Variants in ZNF571 observed in about 807,000 individuals in gnomAD.
The protein encoded by ZNF571 is zinc finger protein 571.
Under a neutral mutation model 7.7 loss-of-function variants are expected in ZNF571, and 4 were observed. The ratio of observed to expected loss-of-function variants is 0.52; its 90% CI spans 0.25 to 1.18. The LOEUF is 1.18. ZNF571 is among the 50% of genes most tolerant of loss of function. The pLI is 0.14. For missense variants in ZNF571, 704 were observed against 726.9 expected (o/e 0.97, Z 0.36); for synonymous variants, 251 against 232.4 (o/e 1.08, Z -0.73).
At position 37,565,279 on chromosome 19, in the gene ZNF571, T is replaced by C; in HGVS notation, c.1149A>G (p.Arg383=). The change falls in exon 4 of 4, where the codon AGA becomes AGG. Residue 383 remains arginine, a synonymous_variant. Transcript: ENST00000451802. ...FRGSQLTYHL[R]VHSGERPYKC... ...TATAAGGTCTCTCACCTGAATGAAC[T>C]CTCAGGTGGTAAGTAAGTTGTGAGC... 5 of 1,610,852 alleles carry C rather than the reference T, an allele frequency of 3.1e-6. No individual in the cohort carries two copies. The highest frequency in any genetic ancestry group is 8.5e-7 in the Non-Finnish European group (1 of 1,178,596).
Position 37,565,530 on chromosome 19 carries a change from T to C in ZNF571, c.898A>G (p.Ile300Val). 3 of 1,613,734 alleles carry C rather than the reference T, an allele frequency of 1.9e-6. No individual in the cohort carries two copies. Among genetic ancestry groups the C allele is most frequent in the Non-Finnish European group, 2.5e-6 (3 of 1,179,882 alleles). ...TCATAAGGTTTCTCACCACTATGAA[T>C]TCTCTGATGGTAAGTAAGTTGAGAG... ...LGSQLTYHQR[I>V]HSGEKPYECK... The change falls in exon 4 of 4, where the codon ATT becomes GTT. Residue 300 changes from isoleucine to valine, a missense_variant. By Grantham distance (29) the Ile-to-Val change is conservative (BLOSUM62 3). Transcript: ENST00000451802.
rs1238810586 is a variant in ZNF571, at chr19:37,565,294, A to C, written c.1134T>G (p.Leu378=). The C allele has an allele frequency of 1.2e-6, 2 of 1,610,906 alleles. No individual in the cohort carries two copies. The highest frequency in any genetic ancestry group is 1.7e-6 in the Non-Finnish European group (2 of 1,178,602). The change falls in exon 4 of 4, where the codon CTT becomes CTG. Residue 378 remains leucine (L), a synonymous_variant. Coordinates refer to ENST00000451802, the MANE Select transcript of ZNF571 (RefSeq NM_016536.5). ...CGKTFFRGSQ[L]TYHLRVHSGE... Reference sequence around the variant, plus strand: ...CTGAATGAACTCTCAGGTGGTAAGTAAGTTGTGAGCCACGAAAAAAGGTCT... The same window carrying C: ...CTGAATGAACTCTCAGGTGGTAAGTCAGTTGTGAGCCACGAAAAAAGGTCT...
chr19:37,584,913 G>A (rs888479222), intron 2 of ZNF571, among the ~76,000 whole-genome samples: 6 of 148,268 alleles, frequency 4.0e-5, no homozygotes, highest in East Asian at 2.0e-4. Context: ...GCAGTGAGCC[G>A]AGATTGCGCC....
At chr19:37,568,387 G>A (rs1281773851) in intron 3 of ZNF571, among the ~76,000 whole-genome samples, 1 of 149,062 alleles carries the variant, frequency 6.7e-6, no homozygotes, top group Non-Finnish European at 1.5e-5. Context: ...ACACATCCTA[G>A]AACAAGATAG....
At chr19:37,594,718 T>A (rs926089495) in intron 1 of ZNF571, 23 bp downstream of exon 1, 1 of 152,192 alleles carries the variant, frequency 6.6e-6, no homozygotes, top group Non-Finnish European at 1.5e-5. Flanking sequence ...TGCGAGCGGT[T>A]CCCGGTGAGG....
intron 1 of ZNF571, among the ~76,000 whole-genome samples, chr19:37,588,234 A>G (rs1167228795): frequency 7.2e-5 from 11 of 152,090 alleles, no homozygotes; most frequent in Admixed American, 7.2e-4. Context: ...GACCCCAATA[A>G]AAGTACAAGT....
intron 3 of ZNF571, among the ~76,000 whole-genome samples, chr19:37,572,771 C>A (rs546943958): frequency 6.6e-6 from 1 of 152,228 alleles, no homozygotes; most frequent in South Asian, 2.1e-4. Flanking sequence ...TAATTAATTT[C>A]TTCTGTTCTT....
intron 2 of ZNF571, among the ~76,000 whole-genome samples, chr19:37,584,314 G>C (rs188634118): frequency 1.3e-5 from 2 of 152,292 alleles, no homozygotes; most frequent in Admixed American, 1.3e-4. Context: ...AGAAAGGTCT[G>C]AGAATTTAAA....
Position 37,564,810 on chromosome 19 carries a change from T to C in ZNF571, c.1618A>G (p.Ile540Val). Residue 540 changes from isoleucine to valine, a missense_variant, in exon 4 of 4, where the codon ATT (isoleucine) becomes GTT (valine). By Grantham distance (29) the Ile-to-Val change is conservative (BLOSUM62 3). Coordinates refer to ENST00000451802, the MANE Select transcript of ZNF571 (RefSeq NM_016536.5). ...TGTTCAGTAAGGTGTGAGCCACGAA[T>C]AAAAGCCTTCCCACACTGTTTACAT... ...YECKQCGKAF[I>V]RGSHLTEHLR... 4.3e-6 allele frequency: 7 copies of C among 1,613,800 alleles called. No individual in the cohort carries two copies. Among genetic ancestry groups the C allele is most frequent in the Non-Finnish European group, 5.1e-6 (6 of 1,179,872 alleles).
rs770151784 is a variant in ZNF571, at chr19:37,565,445, ACT to A, written c.981_982del (p.Arg327SerfsTer5). On this transcript the variant is annotated frameshift_variant, in exon 4 of 4. Transcript: ENST00000451802. LOFTEE classifies it low-confidence loss of function (END_TRUNC). ...TATGTAAGGCTTTTCACCAGTATGA[ACT>A]CTCTGATGGTATGTAAGGTGTGAAC... 1.4e-5 allele frequency: 22 copies of A among 1,612,540 alleles called. No individual in the cohort carries two copies. Among genetic ancestry groups the A allele is most frequent in the Middle Eastern group, 3.3e-4 (2 of 6,072 alleles).
intron 3 of ZNF571, among the ~76,000 whole-genome samples, chr19:37,570,510 T>A (rs2043015473): frequency 6.6e-6 from 1 of 152,262 alleles, no homozygotes; most frequent in Admixed American, 6.5e-5. Context: ...TTAATTTTTC[T>A]ACAAATATTC....
At chr19:37,576,519 TTGAC>T (rs2043248066) in intron 3 of ZNF571, among the ~76,000 whole-genome samples, 2 of 152,182 alleles carry the variant, frequency 1.3e-5, no homozygotes, top group Non-Finnish European at 2.9e-5. Context: ...TAACACAAGA[TTGAC>T]TAAGTTATAC....
chr19:37,589,912 A>C (rs1187062837), intron 1 of ZNF571, among the ~76,000 whole-genome samples: 1 of 149,558 alleles, frequency 6.7e-6, no homozygotes, highest in Non-Finnish European at 1.5e-5. Flanking sequence ...AATCATGAGG[A>C]AACATCAAAC....
Position 37,568,962 on chromosome 19 carries a change from C to CT in ZNF571, c.137-2672dup, listed in dbSNP as rs879782657. Reference sequence around the variant, plus strand: ...CTGACACTCGGGAAGCCCAAGGCATCTTTTTTTTTTTTGAGATGGAGTCTC... The same window carrying CT: ...CTGACACTCGGGAAGCCCAAGGCATCTTTTTTTTTTTTTGAGATGGAGTCTC... On this transcript the variant is annotated intron_variant, in intron 3 of 3. Transcript: ENST00000451802. 6.1e-3 allele frequency among the ~76,000 whole-genome samples: 892 copies of CT among 145,640 alleles called. 8 individuals are homozygous for CT. The highest frequency in any genetic ancestry group is 0.018 in the African/African-American group (709 of 40,072).
intron 3 of ZNF571, among the ~76,000 whole-genome samples, chr19:37,576,786 C>A (rs1396966076): frequency 3.9e-5 from 6 of 152,116 alleles, no homozygotes; most frequent in Non-Finnish European, 7.4e-5. Flanking sequence ...ATATGCTTAG[C>A]CATAAACTTA....
chr19:37,572,376 T>C (rs2043092540), intron 3 of ZNF571, among the ~76,000 whole-genome samples: 1 of 152,244 alleles, frequency 6.6e-6, no homozygotes, highest in South Asian at 2.1e-4. Context: ...TGTGCCATTC[T>C]GAATAGTATG....
intron 3 of ZNF571, among the ~76,000 whole-genome samples, chr19:37,580,966 G>A (rs2043436230): frequency 6.6e-6 from 1 of 152,140 alleles, no homozygotes; most frequent in South Asian, 2.1e-4. Context: ...ATAACACTTT[G>A]AAAAGTGACC....
chr19:37,584,255 A>G (rs2147198281), intron 2 of ZNF571, 158 bp from the exon 3 acceptor site: 1 of 875,100 alleles, frequency 1.1e-6, no homozygotes, highest in South Asian at 1.7e-5. Flanking sequence ...TATCATTCCT[A>G]TTGCCACAGA....
chr19:37,577,815 G>GGTGCACAAA (rs2043295456), intron 3 of ZNF571, among the ~76,000 whole-genome samples: 2 of 152,208 alleles, frequency 1.3e-5, no homozygotes, highest in Non-Finnish European at 2.9e-5. Context: ...ACCACTCTCA[G>GGTGCACAAA]GGAGAGGAAA....
Sources: allele counts gnomAD v4.1 joint callset (sites outside exome capture counted in the v4.1 genomes callset), GRCh38; gene constraint gnomAD v4.1.1; transcripts MANE v1.5; gene names NCBI Gene and HGNC (gene_info 2026-07-23, HGNC 2026-07-21).